Variants in FERMT2 observed in about 807,000 individuals in gnomAD.
FERMT2 encodes fermitin family homolog 2.
A neutral mutation model predicts 82.7 loss-of-function variants in FERMT2; 15 were observed. The ratio of observed to expected loss-of-function variants is 0.18; its 90% CI spans 0.12 to 0.28. FERMT2 has a LOEUF of 0.28. Ranked by LOEUF, FERMT2 falls within the 10% of genes least tolerant of loss-of-function variation. The pLI is 1.00. For synonymous variants in FERMT2, 274 were observed against 271.5 expected, an observed-to-expected ratio of 1.01 and a Z score of -0.09; for missense variants, 645 against 809.4, an observed-to-expected ratio of 0.80 and a Z score of 2.46.
intron 10 of FERMT2, among the ~76,000 whole-genome samples, chr14:52,865,767 G>A (rs1232223706): frequency 1.3e-5 from 2 of 152,164 alleles, no homozygotes; most frequent in South Asian, 2.1e-4. Context: ...ATATTCAGAA[G>A]AACAAATGTT....
intron 6 of FERMT2, among the ~76,000 whole-genome samples, chr14:52,879,890 TG>T (rs1488318517): frequency 6.6e-6 from 1 of 152,180 alleles, no homozygotes; most frequent in African/African-American, 2.4e-5. Context: ...TGAAGTACTA[TG>T]GTAGCAGAGA....
chr14:52,895,032 C>A (rs1887180835), intron 3 of FERMT2, among the ~76,000 whole-genome samples: 1 of 152,058 alleles, frequency 6.6e-6, no homozygotes, highest in South Asian at 2.1e-4. Context: ...AGAGCCCTAA[C>A]AACTCAAGAA....
chr14:52,942,023 G>C (rs1296323057), intron 2 of FERMT2, among the ~76,000 whole-genome samples: 1 of 152,010 alleles, frequency 6.6e-6, no homozygotes, highest in Non-Finnish European at 1.5e-5. Flanking sequence ...TGTTTAGAGG[G>C]TGGGAACAGA....
chr14:52,937,590 T>A (rs1314206247), intron 2 of FERMT2, among the ~76,000 whole-genome samples: 1 of 152,234 alleles, frequency 6.6e-6, no homozygotes, highest in Admixed American at 6.5e-5. Context: ...TTTTCTTGTT[T>A]CACTTTGTTA....
At chr14:52,942,421 G>T (rs1197069450) in intron 2 of FERMT2, among the ~76,000 whole-genome samples, 1 of 150,988 alleles carries the variant, frequency 6.6e-6, no homozygotes, top group Non-Finnish European at 1.5e-5. Context: ...TCCAGCCTCA[G>T]CCTCCCGAGT....
intron 9 of FERMT2, 54 bp from the exon 10 acceptor site, chr14:52,872,977 G>A (rs1437190999): frequency 7.8e-6 from 12 of 1,536,426 alleles, no homozygotes; most frequent in East Asian, 2.3e-5. Flanking sequence ...CTTTATTAAC[G>A]CTGTATTAGC....
intron 2 of FERMT2, among the ~76,000 whole-genome samples, chr14:52,925,879 A>G (rs1201109419): frequency 6.6e-6 from 1 of 152,068 alleles, no homozygotes; most frequent in African/African-American, 2.4e-5. Flanking sequence ...CCTGACCTCA[A>G]GTGATCCAAC....
intron 10 of FERMT2, among the ~76,000 whole-genome samples, chr14:52,867,362 C>T (rs1885350296): frequency 6.6e-6 from 1 of 152,206 alleles, no homozygotes; most frequent in Admixed American, 6.5e-5. Flanking sequence ...CTATGTTGGC[C>T]TAACTACCTT....
At chr14:52,944,514 T>A (rs1198804847) in intron 2 of FERMT2, among the ~76,000 whole-genome samples, 8 of 152,222 alleles carry the variant, frequency 5.3e-5, no homozygotes, top group African/African-American at 1.7e-4. Flanking sequence ...CCAGTGTGCA[T>A]CTTGCCAAGC....
At position 52,868,215 on chromosome 14, in the gene FERMT2, A is replaced by ATTT. The variant is rs5808693; in HGVS notation, c.1274-3365_1274-3363dup. Among the ~76,000 whole-genome samples, 19 of 143,596 alleles carry ATTT rather than the reference A, an allele frequency of 1.3e-4. 1 individual carries two copies. The South Asian group carries it at 1.6e-3, about 12-fold the overall frequency. The allele number at this position is 143,596 out of a possible 152,430, so 94.2% of individuals were successfully genotyped here. A position where few individuals can be genotyped will look rare whatever the true frequency, so the allele number is the denominator to read the frequency against. On this transcript the variant is annotated intron_variant, in intron 10 of 14. Transcript: ENST00000341590. ...TCCAGCAGCACAAAACTCTCTAGGCATTTTTTTTTTTTTTGAGATGGGGTC... is the reference window on the plus strand; with the variant it reads ...TCCAGCAGCACAAAACTCTCTAGGCATTTTTTTTTTTTTTTTTGAGATGGGGTC...
At position 52,864,415 on chromosome 14, in the gene FERMT2, A is replaced by G; in HGVS notation, c.1588T>C (p.Tyr530His). 1 of 1,612,532 alleles carries G rather than the reference A, an allele frequency of 6.2e-7. No individual in the cohort carries two copies. The highest frequency in any genetic ancestry group is 1.3e-5 in the African/African-American group (1 of 75,020). The change falls in exon 12 of 15, where the codon TAT becomes CAT. Residue 530 changes from tyrosine (Y) to histidine (H), a missense_variant. Coordinates refer to ENST00000341590, the MANE Select transcript of FERMT2 (RefSeq NM_006832.3). ...GAAGTAAGTACCTGCTTGTTCTTAT[A>G]CTTTTTTAGATAGCGGGGAGACACC... is the stretch of plus-strand genomic sequence containing the variant. ...CLVSPRYLKK[Y>H]KNKQITARIL...
rs191794272 is a variant in FERMT2 at position 52,916,093 on chromosome 14, C to T, written c.391+3030G>A. ...GCTTGGTGGTTCACACCTGTAATCC[C>T]AGCACTTTGGGAGGCGGAGGTGGGT... On this transcript the variant is annotated intron_variant, in intron 3 of 14. Coordinates refer to ENST00000341590, the MANE Select transcript of FERMT2 (RefSeq NM_006832.3). 1.4e-3 allele frequency among the ~76,000 whole-genome samples: 216 copies of T among 152,216 alleles called. 1 individual carries two copies. The highest frequency in any genetic ancestry group is 4.8e-3 in the African/African-American group (201 of 41,526).
At chr14:52,883,590 G>A (rs1361212684) in intron 4 of FERMT2, among the ~76,000 whole-genome samples, 1 of 152,212 alleles carries the variant, frequency 6.6e-6, no homozygotes, top group Non-Finnish European at 1.5e-5. Context: ...AGTCAAGTTA[G>A]AATGGACAAT....
At chr14:52,932,105 G>A (rs1230343301) in intron 2 of FERMT2, among the ~76,000 whole-genome samples, 3 of 152,216 alleles carry the variant, frequency 2.0e-5, no homozygotes, top group African/African-American at 4.8e-5. Flanking sequence ...AAAACGGGGG[G>A]TGGAGCCAAA....
At chr14:52,913,821 T>G (rs967143398) in intron 3 of FERMT2, among the ~76,000 whole-genome samples, 2 of 151,632 alleles carry the variant, frequency 1.3e-5, no homozygotes, top group African/African-American at 4.9e-5. Context: ...TACAGCAGAG[T>G]GTGGAATGAA....
At position 52,872,874 on chromosome 14, in the gene FERMT2, T is replaced by G. The variant is rs1885711698; in HGVS notation, c.1198A>C (p.Lys400Gln). ...KGYKQYWCTF[K>Q]DTSISCYKSK... ...TTATAACAAGAAATGGATGTGTCTT[T>G]GAAGGTGCACCAATATTGTTTGTAA... is the stretch of plus-strand genomic sequence containing the variant. Residue 400 changes from lysine (K) to glutamine (Q), a missense_variant, in exon 10 of 15, where the codon AAA (lysine) becomes CAA (glutamine). By Grantham distance (53) the Lys-to-Gln change is moderately conservative. Transcript: ENST00000341590. 3 of 1,613,908 alleles carry G rather than the reference T, an allele frequency of 1.9e-6. No homozygotes were observed. Among genetic ancestry groups the G allele is most frequent in the Non-Finnish European group, 2.5e-6 (3 of 1,179,902 alleles).
At chr14:52,922,533 T>C (rs1343717256) in intron 2 of FERMT2, among the ~76,000 whole-genome samples, 2 of 151,708 alleles carry the variant, frequency 1.3e-5, no homozygotes, top group Non-Finnish European at 2.9e-5. Context: ...TGCAAAGACA[T>C]AATAAAAGAC....
chr14:52,933,349 T>C (rs1209008497), intron 2 of FERMT2, among the ~76,000 whole-genome samples: 2 of 152,138 alleles, frequency 1.3e-5, no homozygotes, highest in African/African-American at 4.8e-5. Context: ...CACCATTTTT[T>C]ACAACACTAT....
chr14:52,923,281 A>G (rs1231889101), intron 2 of FERMT2, among the ~76,000 whole-genome samples: 5 of 152,062 alleles, frequency 3.3e-5, no homozygotes, highest in Admixed American at 3.3e-4. Context: ...AAACAGTTTT[A>G]TGAAACACAG....
Sources: gnomAD v4.1 joint callset for allele counts (sites outside exome capture counted in the v4.1 genomes callset) on GRCh38, gnomAD v4.1.1 for gene constraint, MANE v1.5 for transcripts, NCBI Gene and HGNC (gene_info 2026-07-23, HGNC 2026-07-21) for gene names.